ELAPOR2: variants seen among roughly 807,000 people sequenced by gnomAD.
ELAPOR2 encodes endosome-lysosome associated apoptosis and autophagy regulator family member 2, also known as endosome/lysosome-associated apoptosis and autophagy regulator family member 2.
In ELAPOR2, 89 loss-of-function variants were observed where a neutral mutation model predicts 120.7. That is an observed-to-expected ratio of 0.74 (90% CI 0.62 to 0.88). The LOEUF is 0.88. Among genes scored for constraint, ELAPOR2 ranks in the 40% least tolerant of loss-of-function variants. The pLI, the probability that ELAPOR2 is intolerant of heterozygous loss-of-function variation, is 0.00. For missense variants in ELAPOR2, 1,134 were observed against 1,251.6 expected (o/e 0.91, Z 1.42); for synonymous variants, 444 against 444.9 (o/e 1.00, Z 0.03).
At position 86,955,963 on chromosome 7, in the gene ELAPOR2, A is replaced by AG. The variant is rs1345297839; in HGVS notation, c.311-8042_311-8041insC. 9.9e-5 allele frequency among the ~76,000 whole-genome samples: 15 copies of AG among 151,984 alleles called. 1 individual carries two copies. The highest frequency in any genetic ancestry group is 3.6e-4 in the African/African-American group (15 of 41,538). On this transcript the variant is annotated intron_variant, in intron 2 of 21. Transcript: ENST00000450689. ...GAAAAGAACTCTGCAAAAAACAAAA[A>AG]AAAAAGGAAAAGAAAAGAAAAAGAA...
intron 1 of ELAPOR2, among the ~76,000 whole-genome samples, chr7:87,049,239 G>T (rs1226871437): frequency 6.6e-6 from 1 of 151,876 alleles, no homozygotes; most frequent in Non-Finnish European, 1.5e-5. Context: ...AAAAACAAAA[G>T]CATGAAATGT....
chr7:86,920,379 G>A (rs1048665675), intron 10 of ELAPOR2, among the ~76,000 whole-genome samples: 3 of 152,118 alleles, frequency 2.0e-5, no homozygotes, highest in Admixed American at 6.6e-5. Context: ...TGCAGTATAA[G>A]CAATATGAGA....
chr7:87,040,051 C>T (rs1333702372), intron 1 of ELAPOR2, among the ~76,000 whole-genome samples: 2 of 152,208 alleles, frequency 1.3e-5, no homozygotes, highest in Non-Finnish European at 2.9e-5. Context: ...TCGAATACTG[C>T]GCTTTTCCGA....
intron 3 of ELAPOR2, among the ~76,000 whole-genome samples, 184 bp from the exon 4 acceptor site, chr7:86,945,230 A>C (rs1038114083): frequency 3.9e-5 from 6 of 152,208 alleles, no homozygotes; most frequent in African/African-American, 1.4e-4. Context: ...TATGGCAAAT[A>C]ACTTCGTAAA....
chr7:86,913,291 A>G, intron 13 of ELAPOR2, 87 bp from the exon 14 acceptor site: 1 of 1,285,800 alleles, frequency 7.8e-7, no homozygotes, highest in Non-Finnish European at 1.1e-6. Flanking sequence ...TCATCAAAAT[A>G]ACTAAATAGA....
chr7:86,905,407 C>T (rs1788966156), intron 18 of ELAPOR2, among the ~76,000 whole-genome samples: 1 of 151,894 alleles, frequency 6.6e-6, no homozygotes, highest in Non-Finnish European at 1.5e-5. Flanking sequence ...CGAGCTCCCC[C>T]TTGTGCCCTG....
Position 86,880,228 on chromosome 7 carries a change from T to C in ELAPOR2, c.*243A>G, listed in dbSNP as rs542828160. 12 of 540,042 alleles carry C rather than the reference T, an allele frequency of 2.2e-5. No homozygotes were observed. In the South Asian group the frequency reaches 2.8e-4, roughly 13 times the overall value. The allele number at this position is 540,042 out of a possible 1,614,324, so 33.5% of individuals were successfully genotyped here. ...AGTTATGTGTATATACAGATAAATC[T>C]CTTCCTGAGTTGAGCTTCATCTTCA... On this transcript the variant is annotated 3_prime_UTR_variant, in exon 22 of 22. Coordinates refer to ENST00000450689, the MANE Select transcript of ELAPOR2 (RefSeq NM_001142749.3).
intron 1 of ELAPOR2, among the ~76,000 whole-genome samples, chr7:87,012,268 G>A (rs1490198789): frequency 6.6e-6 from 1 of 152,108 alleles, no homozygotes; most frequent in Non-Finnish European, 1.5e-5. Context: ...AAATTAGCTG[G>A]GCATGGTGGC....
At chr7:86,966,741 T>C (rs1224256335) in intron 1 of ELAPOR2, among the ~76,000 whole-genome samples, 1 of 152,188 alleles carries the variant, frequency 6.6e-6, no homozygotes, top group African/African-American at 2.4e-5. Flanking sequence ...TCAAAAGCTG[T>C]ATTACAAGGC....
chr7:86,911,342 A>G (rs1177267479), intron 15 of ELAPOR2, among the ~76,000 whole-genome samples: 1 of 152,164 alleles, frequency 6.6e-6, no homozygotes, highest in East Asian at 1.9e-4. Context: ...TGTGGTCATC[A>G]GATCTCTTTT....
intron 2 of ELAPOR2, among the ~76,000 whole-genome samples, chr7:86,956,544 T>C (rs1791478474): frequency 1.3e-5 from 2 of 152,180 alleles, no homozygotes; most frequent in Non-Finnish European, 2.9e-5. Context: ...AATTTAAAAG[T>C]AGAAGTCACC....
rs149964085 is a variant in ELAPOR2 at position 87,057,864 on chromosome 7, T to C, written c.189+1461A>G. On this transcript the variant is annotated intron_variant, in intron 1 of 21. Transcript: ENST00000450689. Reference sequence around the variant, plus strand: ...CTTAAGACTTTTCAGTTTAGAAAAATATATTCTGCATATTAGAAGTTGGGG... The same window carrying C: ...CTTAAGACTTTTCAGTTTAGAAAAACATATTCTGCATATTAGAAGTTGGGG... Among the ~76,000 whole-genome samples the C allele has an allele frequency of 5.3e-3, 809 of 152,302 alleles. 8 individuals are homozygous for C. Among genetic ancestry groups the C allele is most frequent in the African/African-American group, 0.018 (766 of 41,568 alleles).
At chr7:87,054,802 G>C (rs781260759) in intron 1 of ELAPOR2, among the ~76,000 whole-genome samples, 3 of 152,146 alleles carry the variant, frequency 2.0e-5, no homozygotes, top group South Asian at 2.1e-4. Context: ...CTGGTGCTGA[G>C]CACCAGTGAC....
chr7:86,899,497 T>C (rs904226221), intron 18 of ELAPOR2, among the ~76,000 whole-genome samples: 2 of 152,158 alleles, frequency 1.3e-5, no homozygotes, highest in African/African-American at 4.8e-5. Flanking sequence ...AAAAACACTC[T>C]TTTGAAGTTT....
Position 87,037,617 on chromosome 7 carries a change from T to C in ELAPOR2, c.189+21708A>G, listed in dbSNP as rs1245509550. 2.6e-5 allele frequency among the ~76,000 whole-genome samples: 4 copies of C among 152,218 alleles called. No individual in the cohort carries two copies. The East Asian group carries it at 5.8e-4, about 22-fold the overall frequency. ...TCCTAACTGATCTTCCTGCGTCCAATGTGATTTCCCTTTTATGTTCCTTCA... is the reference window on the plus strand; with the variant it reads ...TCCTAACTGATCTTCCTGCGTCCAACGTGATTTCCCTTTTATGTTCCTTCA... On this transcript the variant is annotated intron_variant, in intron 1 of 21. Coordinates refer to ENST00000450689, the MANE Select transcript of ELAPOR2 (RefSeq NM_001142749.3).
intron 1 of ELAPOR2, among the ~76,000 whole-genome samples, chr7:86,986,066 T>A (rs1018084453): frequency 2.0e-5 from 3 of 151,642 alleles, no homozygotes; most frequent in Non-Finnish European, 4.4e-5. Flanking sequence ...GCCAGGGCAA[T>A]CAGGCAAGAG....
Position 86,891,793 on chromosome 7 carries a change from A to G in ELAPOR2, c.2961T>C (p.Asp987=), listed in dbSNP as rs761902578. ...ADSCAIMEGE[D]NEEEVVYSNK... is the part of the protein sequence containing the mutation. ...TGGAATATACAACTTCCTCTTCATT[A>G]TCTTCTCCTTCCATGATAGCACAAC... The change falls in exon 21 of 22, where the codon GAT becomes GAC. Residue 987 remains aspartate, a synonymous_variant. Transcript: ENST00000450689. 14 of 1,612,228 alleles carry G rather than the reference A, an allele frequency of 8.7e-6. No individual in the cohort carries two copies. The highest frequency in any genetic ancestry group is 6.8e-6 in the Non-Finnish European group (8 of 1,178,796).
At chr7:86,947,232 T>C (rs1791046967) in intron 3 of ELAPOR2, among the ~76,000 whole-genome samples, 1 of 152,160 alleles carries the variant, frequency 6.6e-6, no homozygotes, top group African/African-American at 2.4e-5. Context: ...CAAAACAGTT[T>C]AACATTTCTC....
At chr7:86,884,817 A>G (rs757030596) in intron 21 of ELAPOR2, among the ~76,000 whole-genome samples, 4 of 152,200 alleles carry the variant, frequency 2.6e-5, no homozygotes, top group Non-Finnish European at 5.9e-5. Context: ...TAAGCAATTC[A>G]GAATGACAAG....
Sources: allele counts gnomAD v4.1 joint callset (sites outside exome capture counted in the v4.1 genomes callset), GRCh38; gene constraint gnomAD v4.1.1; transcripts MANE v1.5; gene names NCBI Gene and HGNC (gene_info 2026-07-23, HGNC 2026-07-21).